Variants in FAM76B observed in about 807,000 individuals in gnomAD.
FAM76B encodes family with sequence similarity 76 member B.
A neutral mutation model predicts 51.8 loss-of-function variants in FAM76B; 16 were observed. The observed-to-expected ratio is 0.31, with a 90% CI of 0.21 to 0.47. The LOEUF (loss-of-function observed/expected upper bound fraction) is 0.47, where lower values mean the gene tolerates loss of function less well. Among genes scored for constraint, FAM76B ranks in the 20% least tolerant of loss-of-function variants. The pLI is 1.00. For missense variants in FAM76B, 342 were observed against 392.6 expected, an observed-to-expected ratio of 0.87 and a Z score of 1.09; for synonymous variants, 166 against 129.5, an observed-to-expected ratio of 1.28 and a Z score of -1.91.
rs1277584302 is a variant in FAM76B, at chr11:95,778,898, T to C, written c.752A>G (p.Gln251Arg). The change falls in exon 8 of 10, where the codon CAA becomes CGA. Residue 251 changes from glutamine (Q) to arginine (R), a missense_variant. Gln to Arg is a conservative substitution (Grantham distance 43). Transcript: ENST00000358780. ...GGTDNFVLISQLKEEVMSLKR... is the reference protein window; with the variant it reads ...GGTDNFVLISRLKEEVMSLKR... ...AAGTGACATCACTTCTTCTTTCAAT[T>C]GACTTATAAGGACAAAATTGTCTGT... The C allele has an allele frequency of 6.2e-7, 1 of 1,610,856 alleles. No homozygotes were observed. The highest frequency in any genetic ancestry group is 8.5e-7 in the Non-Finnish European group (1 of 1,178,050).
intron 1 of FAM76B, 96 bp from the exon 2 acceptor site, chr11:95,788,659 AAACATTTAT>A: frequency 7.5e-7 from 1 of 1,327,072 alleles, no homozygotes; most frequent in Non-Finnish European, 1.0e-6. Context: ...TGAAAGTCTA[AAACATTTAT>A]AAAACCTGGC....
intron 2 of FAM76B, among the ~76,000 whole-genome samples, chr11:95,788,295 T>A (rs2120316103): frequency 6.6e-6 from 1 of 152,344 alleles, no homozygotes; most frequent in Non-Finnish European, 1.5e-5. Context: ...TTCTCTCATA[T>A]AAAGTCTAAC....
chr11:95,789,191 G>T, intron 1 of FAM76B: 1 of 986,100 alleles, frequency 1.0e-6, no homozygotes, highest in Non-Finnish European at 1.4e-6. Flanking sequence ...AAAAGGGCAC[G>T]ATTCTGCCTC....
chr11:95,788,248 T>C (rs951400216), intron 2 of FAM76B, among the ~76,000 whole-genome samples: 5 of 152,224 alleles, frequency 3.3e-5, no homozygotes, highest in African/African-American at 1.2e-4. Context: ...TGCATTTTCA[T>C]TAGCAAGGCT....
chr11:95,787,603 GA>G lies in FAM76B; in HGVS notation c.207+20del, dbSNP rs1407110478. Reference sequence around the variant, plus strand: ...AAATATTAACTGGTAACAATGACATGAAAACATAAGACATACTTACCGTCCC... The same window carrying G: ...AAATATTAACTGGTAACAATGACATGAAACATAAGACATACTTACCGTCCC... On this transcript the variant is annotated intron_variant, in intron 3 of 9. Coordinates refer to ENST00000358780, the MANE Select transcript of FAM76B (RefSeq NM_144664.5). The G allele has an allele frequency of 6.2e-7, 1 of 1,604,880 alleles. No homozygotes were observed. The highest frequency in any genetic ancestry group is 8.5e-7 in the Non-Finnish European group (1 of 1,173,640).
chr11:95,783,097 G>GTGATGA lies in FAM76B; in HGVS notation c.525_530dup (p.His179_His180dup). ...GGCTACTGCTGTGACGATGGTGATG[G>GTGATGA]TGATGATGGTGGTGATGATGTTTTG... is the stretch of plus-strand genomic sequence containing the variant. On this transcript the variant is annotated inframe_insertion, in exon 5 of 10. Transcript: ENST00000358780. The GTGATGA allele has an allele frequency of 1.2e-6, 2 of 1,613,388 alleles. No individual in the cohort carries two copies. The highest frequency in any genetic ancestry group is 1.7e-6 in the Non-Finnish European group (2 of 1,179,512).
intron 5 of FAM76B, among the ~76,000 whole-genome samples, chr11:95,782,222 C>A (rs1038648233): frequency 6.6e-6 from 1 of 152,142 alleles, no homozygotes; most frequent in Non-Finnish European, 1.5e-5. Context: ...ACTACTACTA[C>A]ATAACTCCCC....
At chr11:95,773,214 T>C (rs781723823) in intron 9 of FAM76B, among the ~76,000 whole-genome samples, 1 of 151,084 alleles carries the variant, frequency 6.6e-6, no homozygotes, top group Non-Finnish European at 1.5e-5. Flanking sequence ...TCAAAGCAAT[T>C]TTTCCATTTA....
Position 95,789,481 on chromosome 11 carries a change from TGCTCCTCAG to T in FAM76B, c.-12_-4del. The stretch of plus-strand genomic sequence containing the variant: ...GCGTACAGGGCCGAGGCCGCCATCC[TGCTCCTCAG>T]TCTCCTCCTCCGCCGCCGCCCGCTC... On this transcript the variant is annotated 5_prime_UTR_variant, in exon 1 of 10. Transcript: ENST00000358780. The T allele has an allele frequency of 6.2e-7, 1 of 1,601,478 alleles. No individual in the cohort carries two copies. The highest frequency in any genetic ancestry group is 8.5e-7 in the Non-Finnish European group (1 of 1,174,648).
intron 1 of FAM76B, chr11:95,789,032 GGAA>G (rs1178237314): frequency 1.2e-5 from 17 of 1,379,094 alleles, no homozygotes; most frequent in Non-Finnish European, 1.5e-5. Context: ...GCCTCCTGGT[GGAA>G]GAAGAGGACA....
chr11:95,779,902 T>C lies in FAM76B; in HGVS notation c.588A>G (p.Glu196=), dbSNP rs552032720. The C allele has an allele frequency of 1.0e-4, 162 of 1,605,538 alleles. 1 individual carries two copies. In the South Asian group the frequency reaches 1.7e-3, roughly 17 times the overall value. Residue 196 remains glutamate, a synonymous_variant, in exon 6 of 10, where the codon GAA becomes GAG. Transcript: ENST00000358780. ...ACCTCTGTTTCCACAGTCCCTGCTC[T>C]TCTTCTGGACTTAGATTGCTGATTC... is the stretch of plus-strand genomic sequence containing the variant. ...HHKISNLSPE[E]EQGLWKQSHK...
chr11:95,789,640 G>T lies in FAM76B; in HGVS notation c.-162C>A. On this transcript the variant is annotated 5_prime_UTR_variant, in exon 1 of 10. Coordinates refer to ENST00000358780, the MANE Select transcript of FAM76B (RefSeq NM_144664.5). ...CGCGAGAGCCCAGGGCCCCGCGGAC[G>T]ACGCCACCGTCTCCCTCCGCCTCCA... The T allele has an allele frequency of 1.8e-6, 1 of 549,770 alleles. No individual in the cohort carries two copies. The highest frequency in any genetic ancestry group is 3.4e-5 in the East Asian group (1 of 29,384). The allele number at this position is 549,770 out of a possible 1,614,324, so 34.1% of individuals were successfully genotyped here.
intron 1 of FAM76B, chr11:95,789,105 G>A (rs1008208709): frequency 3.7e-5 from 51 of 1,395,238 alleles, no homozygotes; most frequent in East Asian, 3.5e-4. Flanking sequence ...GGCATAGACA[G>A]GTGGCTGCCT....
rs1318102322 is a variant in FAM76B, at chr11:95,769,307, A to C, written c.*2254T>G. On this transcript the variant is annotated 3_prime_UTR_variant, in exon 10 of 10. Transcript: ENST00000358780. Reference sequence around the variant, plus strand: ...CTACAGAGATCCAGGACTGGGACTGAATTACTAATTTATACAATTGCAAAA... The same window carrying C: ...CTACAGAGATCCAGGACTGGGACTGCATTACTAATTTATACAATTGCAAAA... The C allele has an allele frequency of 2.0e-5, 3 of 152,282 alleles. No homozygotes were observed. In the Admixed American group the frequency reaches 2.0e-4, roughly 10 times the overall value. 9.4% of individuals were successfully genotyped at this position (152,282 alleles called of 1,614,324 possible).
intron 8 of FAM76B, among the ~76,000 whole-genome samples, chr11:95,777,969 T>C (rs1028193061): frequency 6.6e-6 from 1 of 151,508 alleles, no homozygotes; most frequent in Non-Finnish European, 1.5e-5. Context: ...TGGGCACTTA[T>C]ACATACCAGG....
chr11:95,769,028 A>C lies in FAM76B; in HGVS notation c.*2533T>G, dbSNP rs1373016661. The C allele has an allele frequency of 4.6e-5, 7 of 152,462 alleles. No homozygotes were observed. The highest frequency in any genetic ancestry group is 1.7e-4 in the African/African-American group (7 of 41,438). The allele number at this position is 152,462 out of a possible 1,614,324, so 9.4% of individuals were successfully genotyped here. A position where few individuals can be genotyped will look rare whatever the true frequency, so the allele number is the denominator to read the frequency against. The stretch of plus-strand genomic sequence containing the variant: ...AAATGTCAACAGTCAGATGTGTACA[A>C]GTACAGTATTTCAATAGTCTATACA... On this transcript the variant is annotated 3_prime_UTR_variant, in exon 10 of 10. Transcript: ENST00000358780.
At chr11:95,783,307 G>T (rs1860375790) in intron 4 of FAM76B, 43 bp from the exon 5 acceptor site, 14 of 1,567,798 alleles carry the variant, frequency 8.9e-6, no homozygotes, top group Non-Finnish European at 1.2e-5. Context: ...CATATAAACT[G>T]GCTGTAAACG....
chr11:95,776,457 G>C (rs747855822), intron 8 of FAM76B, among the ~76,000 whole-genome samples: 19 of 151,284 alleles, frequency 1.3e-4, no homozygotes, highest in Non-Finnish European at 2.4e-4. Flanking sequence ...TTTCACACTG[G>C]GTAATATAAA....
chr11:95,788,121 C>G (rs767294739), intron 2 of FAM76B, among the ~76,000 whole-genome samples: 24 of 152,204 alleles, frequency 1.6e-4, no homozygotes, highest in Non-Finnish European at 2.9e-4. Flanking sequence ...TACTCCTCTT[C>G]TATGTAACAA....
Sources: gnomAD v4.1 joint callset for allele counts (sites outside exome capture counted in the v4.1 genomes callset) on GRCh38, gnomAD v4.1.1 for gene constraint, MANE v1.5 for transcripts, NCBI Gene and HGNC (gene_info 2026-07-23, HGNC 2026-07-21) for gene names.